The following BAZ1A variants were observed in gnomAD, a reference collection of about 807,000 sequenced individuals.
The protein encoded by BAZ1A is bromodomain adjacent to zinc finger domain protein 1A.
Under a neutral mutation model 185.2 loss-of-function variants are expected in BAZ1A, and 50 were observed. That is an observed-to-expected ratio of 0.27 (90% CI 0.22 to 0.34). The LOEUF (loss-of-function observed/expected upper bound fraction) is 0.34, where lower values mean the gene tolerates loss of function less well. Ranked by LOEUF, BAZ1A falls within the 10% of genes least tolerant of loss-of-function variation. The probability of loss-of-function intolerance (pLI) is 1.00; values close to 1 mark genes in which losing one functional copy is unlikely to be tolerated. For synonymous variants in BAZ1A, 571 were observed against 615.6 expected, an observed-to-expected ratio of 0.93 and a Z score of 1.07; for missense variants, 1,356 against 1,839.9, an observed-to-expected ratio of 0.74 and a Z score of 4.81.
chr14:34,853,641 G>C (rs770014485), intron 3 of BAZ1A, among the ~76,000 whole-genome samples: 2 of 152,124 alleles, frequency 1.3e-5, no homozygotes, highest in African/African-American at 2.4e-5. Flanking sequence ...AAAAAAATTA[G>C]CCAGGCGTGG....
intron 4 of BAZ1A, among the ~76,000 whole-genome samples, chr14:34,824,376 T>TAAAAAAAAA (rs59459941): frequency 3.6e-5 from 1 of 27,698 alleles, no homozygotes; most frequent in Non-Finnish European, 5.4e-5. Context: ...TCCATCTCTT[T>TAAAAAAAAA]AAAAAAAAAA....
chr14:34,754,446 G>GAA (rs1886154690), intron 26 of BAZ1A, among the ~76,000 whole-genome samples: 1 of 136,540 alleles, frequency 7.3e-6, no homozygotes, highest in Admixed American at 7.2e-5. Flanking sequence ...AAAAGAAAAA[G>GAA]AAGAAAGAAA....
At chr14:34,823,573 T>A (rs1038546880) in intron 4 of BAZ1A, among the ~76,000 whole-genome samples, 1 of 151,444 alleles carries the variant, frequency 6.6e-6, no homozygotes, top group Admixed American at 6.6e-5. Flanking sequence ...GGCAGGAGAA[T>A]CACTTGAACC....
In BAZ1A at chr14:34,874,919, G is replaced by T. The variant is rs2043020101; in HGVS notation, c.-59+219C>A. ...CAATGGGGCAGGACGCCCCGCCGCG[G>T]GGGGCAGTGCGGGAGCGGCGGCGGC... On this transcript the variant is annotated intron_variant, in intron 1 of 26. Coordinates refer to ENST00000360310, the MANE Select transcript of BAZ1A (RefSeq NM_013448.3). The surrounding 1 kb of genome is among the most constrained non-coding windows in gnomAD (Gnocchi z 4.7). 6.1e-6 allele frequency: 1 copy of T among 164,398 alleles called. No individual in the cohort carries two copies. The highest frequency in any genetic ancestry group is 1.3e-5 in the Non-Finnish European group (1 of 77,490). The allele number at this position is 164,398 out of a possible 1,614,324, so 10.2% of individuals were successfully genotyped here. A position where few individuals can be genotyped will look rare whatever the true frequency, so the allele number is the denominator to read the frequency against.
chr14:34,784,182 A>C (rs1383420419), intron 14 of BAZ1A, among the ~76,000 whole-genome samples: 2 of 151,810 alleles, frequency 1.3e-5, no homozygotes, highest in African/African-American at 2.4e-5. Flanking sequence ...CAGCCTGGCC[A>C]ACATGGTGAA....
intron 4 of BAZ1A, among the ~76,000 whole-genome samples, chr14:34,815,368 A>T (rs963894036): frequency 2.0e-5 from 3 of 152,206 alleles, no homozygotes; most frequent in Non-Finnish European, 4.4e-5. Flanking sequence ...AACTACAAGG[A>T]TAATATTTTT....
intron 12 of BAZ1A, among the ~76,000 whole-genome samples, chr14:34,790,076 A>T (rs933050450): frequency 6.6e-6 from 1 of 152,232 alleles, no homozygotes; most frequent in Non-Finnish European, 1.5e-5. Flanking sequence ...ACTATGTAAA[A>T]TGTGGCCAAT....
chr14:34,864,939 G>C (rs2138828236), intron 2 of BAZ1A, among the ~76,000 whole-genome samples: 1 of 151,642 alleles, frequency 6.6e-6, no homozygotes, highest in African/African-American at 2.4e-5. Flanking sequence ...ACCATGCCTG[G>C]CTAATTTTTT....
intron 9 of BAZ1A, among the ~76,000 whole-genome samples, chr14:34,799,621 T>C (rs1278650606): frequency 6.6e-6 from 1 of 152,192 alleles, no homozygotes. Flanking sequence ...TTATTCATTT[T>C]TTTTTTTTGA....
chr14:34,783,076 T>G, intron 16 of BAZ1A, 43 bp downstream of exon 16: 1 of 1,398,240 alleles, frequency 7.2e-7, no homozygotes, highest in Non-Finnish European at 1.0e-6. Flanking sequence ...TTTTTATTCT[T>G]TATGTATGGT....
chr14:34,873,750 G>A (rs760576912), intron 2 of BAZ1A, among the ~76,000 whole-genome samples: 4 of 140,658 alleles, frequency 2.8e-5, no homozygotes, highest in Non-Finnish European at 6.2e-5. Flanking sequence ...GATCTCCCGG[G>A]GGCGGAGACG....
intron 24 of BAZ1A, among the ~76,000 whole-genome samples, chr14:34,759,598 T>C (rs1886436462): frequency 6.6e-6 from 1 of 152,202 alleles, no homozygotes; most frequent in Non-Finnish European, 1.5e-5. Context: ...TAGGCTTACA[T>C]ATAAATTACC....
At chr14:34,766,425 C>T (rs757693924) in intron 21 of BAZ1A, among the ~76,000 whole-genome samples, 3 of 152,082 alleles carry the variant, frequency 2.0e-5, no homozygotes, top group Non-Finnish European at 4.4e-5. Context: ...TACCAATGGA[C>T]CTTGAGCTCC....
chr14:34,794,981 G>C (rs923499042), intron 10 of BAZ1A, 94 bp from the exon 11 acceptor site: 1 of 1,467,178 alleles, frequency 6.8e-7, no homozygotes, highest in African/African-American at 1.4e-5. Flanking sequence ...CTATTAAGAA[G>C]TATTATTTGT....
chr14:34,874,320 G>C lies in BAZ1A; in HGVS notation c.113+172C>G, dbSNP rs2043005139. 3.3e-6 allele frequency: 2 copies of C among 604,862 alleles called. No homozygotes were observed. Among genetic ancestry groups the C allele is most frequent in the Admixed American group, 6.6e-5 (2 of 30,432 alleles). The allele number at this position is 604,862 out of a possible 1,614,324, so 37.5% of individuals were successfully genotyped here. A position where few individuals can be genotyped will look rare whatever the true frequency, so the allele number is the denominator to read the frequency against. On this transcript the variant is annotated intron_variant, in intron 2 of 26. Coordinates refer to ENST00000360310, the MANE Select transcript of BAZ1A (RefSeq NM_013448.3). This position sits in a 1 kb window ranked among gnomAD's most constrained non-coding sequence, Gnocchi z 4.7. ...ACGCGCGCCGCCGCCAGTTGGCCCCGCGCGTTCTCCAGGTGGAGGCCAGGA... is the reference window on the plus strand; with the variant it reads ...ACGCGCGCCGCCGCCAGTTGGCCCCCCGCGTTCTCCAGGTGGAGGCCAGGA...
Position 34,753,538 on chromosome 14 carries a change from T to C in BAZ1A, c.4641A>G (p.Thr1547=). 1.9e-6 allele frequency: 3 copies of C among 1,614,160 alleles called. No individual in the cohort carries two copies. Among genetic ancestry groups the C allele is most frequent in the Non-Finnish European group, 2.5e-6 (3 of 1,180,018 alleles). ...TTCGTGACTTTTTCGCAGCCGGTGG[T>C]GTGCTAACTTGGTCCACATTACTGG... ...VTPSNVDQVS[T]PPAAKKSRI Residue 1547 remains threonine (T), a synonymous_variant, in exon 27 of 27, where the codon ACA becomes ACG. Coordinates refer to ENST00000360310, the MANE Select transcript of BAZ1A (RefSeq NM_013448.3).
In BAZ1A at chr14:34,832,215, C is replaced by CACATATATATAT; in HGVS notation, c.393-6060_393-6059insATATATATATGT. ...ATACACACACACACACACACACACA[C>CACATATATATAT]ATATATATATATATATGTATGTATG... On this transcript the variant is annotated intron_variant, in intron 3 of 26. Transcript: ENST00000360310. Among the ~76,000 whole-genome samples, 14 of 89,706 alleles carry CACATATATATAT rather than the reference C, an allele frequency of 1.6e-4. No homozygotes were observed. In the East Asian group the frequency reaches 1.9e-3, roughly 12 times the overall value. 58.9% of individuals were successfully genotyped at this position (89,706 alleles called of 152,430 possible).
At chr14:34,843,976 C>T (rs1300692074) in intron 3 of BAZ1A, among the ~76,000 whole-genome samples, 4 of 151,872 alleles carry the variant, frequency 2.6e-5, no homozygotes, top group Non-Finnish European at 4.4e-5. Context: ...GAGGCCGAGG[C>T]GGGCGGATCA....
At chr14:34,762,348 C>T (rs1566545820) in intron 23 of BAZ1A, 125 bp from the exon 24 acceptor site, 2 of 825,898 alleles carry the variant, frequency 2.4e-6, no homozygotes, top group Admixed American at 5.7e-5. Context: ...TGAGACTTAT[C>T]CTAGACTCAA....
Sources: gnomAD v4.1 joint callset for allele counts (sites outside exome capture counted in the v4.1 genomes callset) on GRCh38, gnomAD v4.1.1 for gene constraint, Gnocchi (gnomAD v3.1) non-coding constraint, MANE v1.5 for transcripts, NCBI Gene and HGNC (gene_info 2026-07-23, HGNC 2026-07-21) for gene names.